KCNT2: variants seen among roughly 807,000 people sequenced by gnomAD.
KCNT2 encodes the protein potassium channel subfamily T member 2.
A neutral mutation model predicts 153.8 loss-of-function variants in KCNT2; 67 were observed. The ratio of observed to expected loss-of-function variants is 0.44; its 90% CI spans 0.36 to 0.53. The LOEUF is 0.53. Among genes scored for constraint, KCNT2 ranks in the 20% least tolerant of loss-of-function variants. KCNT2 has a pLI of 0.00. For missense variants in KCNT2, 975 were observed against 1,354.8 expected (o/e 0.72, Z 4.40); for synonymous variants, 500 against 458.8 (o/e 1.09, Z -1.15).
intron 1 of KCNT2, among the ~76,000 whole-genome samples, chr1:196,578,083 G>C (rs1661581426): frequency 2.0e-5 from 3 of 151,998 alleles, no homozygotes. Flanking sequence ...TTCTGCTGTA[G>C]TAGCTCATTG....
intron 1 of KCNT2, among the ~76,000 whole-genome samples, chr1:196,558,643 C>T (rs1572826683): frequency 6.6e-6 from 1 of 151,526 alleles, no homozygotes; most frequent in East Asian, 2.0e-4. Context: ...AGACAAAATG[C>T]TGACTTAAAT....
chr1:196,435,123 A>G (rs1674506301), intron 8 of KCNT2, among the ~76,000 whole-genome samples: 1 of 70,658 alleles, frequency 1.4e-5, no homozygotes, highest in East Asian at 5.4e-4. Context: ...ATAGATACTT[A>G]TGTGTGTGTG....
chr1:196,536,231 A>T (rs1355774805), intron 1 of KCNT2, among the ~76,000 whole-genome samples: 1 of 152,216 alleles, frequency 6.6e-6, no homozygotes, highest in Non-Finnish European at 1.5e-5. Flanking sequence ...GTGGAGAAAG[A>T]CATCTTTCCT....
intron 8 of KCNT2, among the ~76,000 whole-genome samples, chr1:196,452,598 G>T (rs139459887): frequency 3.4e-4 from 52 of 152,048 alleles, no homozygotes; most frequent in African/African-American, 1.1e-3. Context: ...TTTCCTGTCT[G>T]TCTTGTCATT....
At chr1:196,435,147 A>G (rs866619382) in intron 8 of KCNT2, among the ~76,000 whole-genome samples, 24 of 102,996 alleles carry the variant, frequency 2.3e-4, no homozygotes, top group Admixed American at 1.8e-4. Context: ...ATGTATATAT[A>G]TATATATATA....
intron 26 of KCNT2, among the ~76,000 whole-genome samples, chr1:196,247,855 T>G (rs1402060059): frequency 6.6e-6 from 1 of 152,152 alleles, no homozygotes; most frequent in African/African-American, 2.4e-5. Context: ...CACATTCTTC[T>G]CCTTAGTATA....
chr1:196,582,077 T>A (rs1185395119), intron 1 of KCNT2, among the ~76,000 whole-genome samples: 1 of 152,064 alleles, frequency 6.6e-6, no homozygotes, highest in Non-Finnish European at 1.5e-5. Flanking sequence ...TCTCTCCATA[T>A]GCCAGTACAA....
chr1:196,535,898 T>C (rs1019714668), intron 1 of KCNT2, among the ~76,000 whole-genome samples: 2 of 152,230 alleles, frequency 1.3e-5, no homozygotes, highest in Admixed American at 6.5e-5. Context: ...CAGAGTTGTG[T>C]GCCTGCACTC....
intron 25 of KCNT2, among the ~76,000 whole-genome samples, chr1:196,277,698 G>A (rs911179990): frequency 6.6e-6 from 1 of 152,096 alleles, no homozygotes. Context: ...TCAAGTAAGA[G>A]AACAGGGCCA....
intron 14 of KCNT2, among the ~76,000 whole-genome samples, chr1:196,352,166 C>G (rs1239352072): frequency 6.6e-6 from 1 of 151,842 alleles, no homozygotes; most frequent in East Asian, 1.9e-4. Context: ...CTAAAATTCT[C>G]TTTTTTGGTT....
intron 14 of KCNT2, among the ~76,000 whole-genome samples, chr1:196,368,489 T>C (rs1000309061): frequency 2.6e-5 from 4 of 152,162 alleles, no homozygotes; most frequent in Admixed American, 2.6e-4. Context: ...CCAACCACAC[T>C]TCATTTCTTA....
At chr1:196,244,459 G>T (rs780497796) in intron 26 of KCNT2, among the ~76,000 whole-genome samples, 5 of 152,058 alleles carry the variant, frequency 3.3e-5, no homozygotes, top group Admixed American at 6.6e-5. Flanking sequence ...TGGGCCAAAG[G>T]GGTGCCTACT....
chr1:196,261,349 TA>T (rs1306888872), intron 25 of KCNT2, among the ~76,000 whole-genome samples: 1 of 151,922 alleles, frequency 6.6e-6, no homozygotes. Context: ...TTTCCCTCTC[TA>T]AAAAATTGTC....
chr1:196,261,426 G>A (rs1657014689), intron 25 of KCNT2, among the ~76,000 whole-genome samples: 2 of 151,850 alleles, frequency 1.3e-5, no homozygotes, highest in Admixed American at 1.3e-4. Flanking sequence ...GATAATGCAT[G>A]AAAAGGCATA....
At chr1:196,433,846 G>C (rs902763939) in intron 8 of KCNT2, among the ~76,000 whole-genome samples, 7 of 151,974 alleles carry the variant, frequency 4.6e-5, no homozygotes, top group Non-Finnish European at 8.8e-5. Flanking sequence ...ATAAGCTTAT[G>C]AATGGTTAGG....
chr1:196,582,257 C>T lies in KCNT2; in HGVS notation c.95+25958G>A, dbSNP rs1662152565. ...CAACGGATTACTTAACTTCTCTATG[C>T]CTGTTTCTTCAGCTGTACAATGGGG... On this transcript the variant is annotated intron_variant, in intron 1 of 27. Transcript: ENST00000294725. Among the ~76,000 whole-genome samples the T allele has an allele frequency of 2.0e-5, 3 of 151,920 alleles. No individual in the cohort carries two copies. In the Middle Eastern group the frequency reaches 0.01, roughly 517 times the overall value.
chr1:196,429,448 A>G, intron 9 of KCNT2, 129 bp downstream of exon 9: 1 of 515,456 alleles, frequency 1.9e-6, no homozygotes, highest in South Asian at 4.7e-5. Flanking sequence ...AATTGATTAA[A>G]TGTAATGATA....
At position 196,282,362 on chromosome 1, in the gene KCNT2, A is replaced by G. The variant is rs561878091; in HGVS notation, c.2698-6T>C. The G allele has an allele frequency of 3.3e-5, 47 of 1,439,460 alleles. No homozygotes were observed. The highest frequency in any genetic ancestry group is 4.4e-5 in the Non-Finnish European group (45 of 1,023,478). 89.2% of individuals were successfully genotyped at this position (1,439,460 alleles called of 1,614,324 possible). On this transcript the variant is annotated splice_polypyrimidine_tract_variant and splice_region_variant and intron_variant, in intron 23 of 27. Transcript: ENST00000294725. The stretch of plus-strand genomic sequence containing the variant: ...ATATAATCCTTCACAAATGACTGCA[A>G]TATAAACAAACAAACAATATATAAA...
chr1:196,307,083 CA>C (rs1661702193), intron 21 of KCNT2, among the ~76,000 whole-genome samples: 1 of 151,924 alleles, frequency 6.6e-6, no homozygotes, highest in Non-Finnish European at 1.5e-5. Flanking sequence ...GTTAAAAATA[CA>C]GTAATTTTAT....
Sources: allele counts gnomAD v4.1 joint callset (sites outside exome capture counted in the v4.1 genomes callset), GRCh38; gene constraint gnomAD v4.1.1; transcripts MANE v1.5; gene names NCBI Gene and HGNC (gene_info 2026-07-23, HGNC 2026-07-21).